The following AUTS2 variants were observed in gnomAD, a reference collection of about 807,000 sequenced individuals.
AUTS2 encodes the protein autism susceptibility gene 2 protein.
A neutral mutation model predicts 112.4 loss-of-function variants in AUTS2; 17 were observed. The ratio of observed to expected loss-of-function variants is 0.15; its 90% CI spans 0.10 to 0.23. The LOEUF (loss-of-function observed/expected upper bound fraction) is 0.23. Ranked by LOEUF, AUTS2 falls within the 10% of genes least tolerant of loss-of-function variation. The pLI is 1.00. For missense variants in AUTS2, 1,510 were observed against 1,701.6 expected, an observed-to-expected ratio of 0.89 and a Z score of 1.98; for synonymous variants, 751 against 702.7, an observed-to-expected ratio of 1.07 and a Z score of -1.09.
At chr7:70,035,706 A>G (rs1006087881) in intron 2 of AUTS2, among the ~76,000 whole-genome samples, 4 of 152,080 alleles carry the variant, frequency 2.6e-5, no homozygotes, top group African/African-American at 4.8e-5. Context: ...CTGGTTCTTT[A>G]TTCTTCCCGG....
chr7:70,390,385 C>T (rs1793798766), intron 4 of AUTS2, among the ~76,000 whole-genome samples: 1 of 152,092 alleles, frequency 6.6e-6, no homozygotes, highest in Non-Finnish European at 1.5e-5. Context: ...CTCTGAGGAA[C>T]ACTAACATAA....
intron 5 of AUTS2, among the ~76,000 whole-genome samples, chr7:70,470,694 G>A (rs1280805601): frequency 6.6e-6 from 1 of 152,128 alleles, no homozygotes; most frequent in Non-Finnish European, 1.5e-5. Context: ...GTGGAGGCGG[G>A]GAGACAATCA....
chr7:70,675,886 G>T (rs1278189130), intron 5 of AUTS2, among the ~76,000 whole-genome samples: 1 of 152,148 alleles, frequency 6.6e-6, no homozygotes, highest in African/African-American at 2.4e-5. Context: ...AAGTCACATG[G>T]AGCCACTTCT....
At chr7:70,517,016 G>A (rs1799443469) in intron 5 of AUTS2, among the ~76,000 whole-genome samples, 1 of 152,144 alleles carries the variant, frequency 6.6e-6, no homozygotes, top group Non-Finnish European at 1.5e-5. Flanking sequence ...CTCTCCTGAT[G>A]AGAAACCCAA....
intron 6 of AUTS2, among the ~76,000 whole-genome samples, chr7:70,737,399 A>T (rs1414038538): frequency 1.3e-5 from 2 of 152,252 alleles, no homozygotes; most frequent in Non-Finnish European, 2.9e-5. Context: ...AATGGAAGAG[A>T]ACCTCACGTT....
chr7:70,209,702 G>T (rs957326667), intron 4 of AUTS2, among the ~76,000 whole-genome samples: 1 of 152,144 alleles, frequency 6.6e-6, no homozygotes, highest in Non-Finnish European at 1.5e-5. Context: ...ACCTGTGTCA[G>T]TACTGTGAAG....
chr7:70,588,517 T>C (rs1802786898), intron 5 of AUTS2, among the ~76,000 whole-genome samples: 1 of 152,186 alleles, frequency 6.6e-6, no homozygotes, highest in Admixed American at 6.5e-5. Flanking sequence ...TTGGACCTTA[T>C]GTTTCCAGCA....
intron 5 of AUTS2, among the ~76,000 whole-genome samples, chr7:70,616,094 C>T (rs1318606958): frequency 6.6e-6 from 1 of 152,094 alleles, no homozygotes; most frequent in Non-Finnish European, 1.5e-5. Context: ...TCCAAAAAGA[C>T]AACAAAAAAG....
intron 5 of AUTS2, among the ~76,000 whole-genome samples, chr7:70,618,636 C>T (rs1267983467): frequency 2.0e-5 from 3 of 152,152 alleles, no homozygotes; most frequent in Non-Finnish European, 4.4e-5. Flanking sequence ...CAAAGCAGTG[C>T]CGTGGGTTAG....
At chr7:69,739,393 G>A (rs1386618465) in intron 1 of AUTS2, among the ~76,000 whole-genome samples, 8 of 152,036 alleles carry the variant, frequency 5.3e-5, no homozygotes, top group Admixed American at 4.6e-4. Flanking sequence ...GAGTCATTCC[G>A]CACCTGCATA....
intron 5 of AUTS2, among the ~76,000 whole-genome samples, chr7:70,535,042 A>C (rs1474409581): frequency 6.6e-6 from 1 of 152,130 alleles, no homozygotes; most frequent in Non-Finnish European, 1.5e-5. Flanking sequence ...CATAAAAAAA[A>C]AAAAAAAAAG....
At position 69,859,834 on chromosome 7, in the gene AUTS2, C is replaced by G. The variant is rs191259250; in HGVS notation, c.310-39452C>G. Among the ~76,000 whole-genome samples the G allele has an allele frequency of 4.6e-5, 7 of 152,192 alleles. No individual in the cohort carries two copies. In the East Asian group the frequency reaches 1.4e-3, roughly 29 times the overall value. On this transcript the variant is annotated intron_variant, in intron 1 of 18. Coordinates refer to ENST00000342771, the MANE Select transcript of AUTS2 (RefSeq NM_015570.4). ...AAACAAAAACAACAACAACAAAACC[C>G]TAGTAGAGTACCTGAACTCTAAATT...
At chr7:70,067,122 C>T (rs1261270501) in intron 2 of AUTS2, among the ~76,000 whole-genome samples, 1 of 152,118 alleles carries the variant, frequency 6.6e-6, no homozygotes, top group Non-Finnish European at 1.5e-5. Flanking sequence ...GCGAAAAGTA[C>T]AGTGTGATTA....
At chr7:70,510,994 A>C (rs1212032900) in intron 5 of AUTS2, among the ~76,000 whole-genome samples, 1 of 151,976 alleles carries the variant, frequency 6.6e-6, no homozygotes, top group Non-Finnish European at 1.5e-5. Flanking sequence ...GATTACAGGC[A>C]CCCACCACCA....
chr7:70,444,787 A>G (rs1401982814), intron 5 of AUTS2, among the ~76,000 whole-genome samples: 1 of 152,130 alleles, frequency 6.6e-6, no homozygotes, highest in Non-Finnish European at 1.5e-5. Flanking sequence ...TCATATACTT[A>G]CGGAGACAGC....
intron 4 of AUTS2, among the ~76,000 whole-genome samples, chr7:70,140,926 C>T (rs770787978): frequency 7.9e-5 from 12 of 152,128 alleles, no homozygotes; most frequent in Non-Finnish European, 1.5e-4. Flanking sequence ...ACTCTTAGTT[C>T]TTAAGTTGCA....
chr7:70,364,799 G>A (rs73440748), intron 4 of AUTS2, among the ~76,000 whole-genome samples: 2,515 of 152,172 alleles, frequency 0.017, 82 homozygotes, highest in African/African-American at 0.057. Context: ...ACATATTGGA[G>A]ACAGAAGCAG....
At chr7:70,760,691 G>A (rs1789514607) in intron 6 of AUTS2, among the ~76,000 whole-genome samples, 1 of 152,236 alleles carries the variant, frequency 6.6e-6, no homozygotes, top group African/African-American at 2.4e-5. Flanking sequence ...GCTGGATGGG[G>A]ACCTATCCGC....
intron 5 of AUTS2, among the ~76,000 whole-genome samples, chr7:70,653,047 G>A (rs897619267): frequency 6.6e-6 from 1 of 151,958 alleles, no homozygotes; most frequent in Non-Finnish European, 1.5e-5. Flanking sequence ...TTGAGCCCAG[G>A]AATTCAAGAC....
Sources: gnomAD v4.1 joint callset for allele counts (sites outside exome capture counted in the v4.1 genomes callset) on GRCh38, gnomAD v4.1.1 for gene constraint, MANE v1.5 for transcripts, NCBI Gene and HGNC (gene_info 2026-07-23, HGNC 2026-07-21) for gene names.